Variants in DNAH11 observed in about 807,000 individuals in gnomAD.
The protein encoded by DNAH11 is dynein axonemal heavy chain 11, also known as axonemal beta dynein heavy chain 11.
DNAH11 carries 442 observed loss-of-function variants against 526.0 expected under a neutral mutation model. That is an observed-to-expected ratio of 0.84 (90% CI 0.78 to 0.91). DNAH11 has a LOEUF of 0.91. DNAH11 is among the 40% of genes least tolerant of loss of function. The probability of loss-of-function intolerance (pLI) is 0.00; values close to 1 mark genes in which losing one functional copy is unlikely to be tolerated. For missense variants in DNAH11, 6,989 were observed against 5,448.7 expected (o/e 1.28, Z -8.90); for synonymous variants, 2,461 against 1,935.9 (o/e 1.27, Z -7.12).
chr7:21,901,335 T>TTATTCTAACTTTTTAGTAA lies in DNAH11; in HGVS notation c.*82_*100dup. 6.9e-7 allele frequency: 1 copy of TTATTCTAACTTTTTAGTAA among 1,450,688 alleles called. No homozygotes were observed. Among genetic ancestry groups the TTATTCTAACTTTTTAGTAA allele is most frequent in the Non-Finnish European group, 9.1e-7 (1 of 1,099,024 alleles). 89.9% of individuals were successfully genotyped at this position (1,450,688 alleles called of 1,614,324 possible). A position where few individuals can be genotyped will look rare whatever the true frequency, so the allele number is the denominator to read the frequency against. On this transcript the variant is annotated 3_prime_UTR_variant, in exon 82 of 82. Coordinates refer to ENST00000409508, the MANE Select transcript of DNAH11 (RefSeq NM_001277115.2). ...TGTTGCTGCACTGTTCCCATGCACA[T>TTATTCTAACTTTTTAGTAA]TATTCTAACTTTTTAGTAACTCACA...
chr7:21,679,684 C>T (rs1562486460), intron 30 of DNAH11, among the ~76,000 whole-genome samples: 1 of 152,094 alleles, frequency 6.6e-6, no homozygotes, highest in South Asian at 2.1e-4. Flanking sequence ...TGCACAGCTA[C>T]AGTTTCTCAG....
At chr7:21,860,685 C>G (rs1783028590) in intron 68 of DNAH11, among the ~76,000 whole-genome samples, 1 of 152,092 alleles carries the variant, frequency 6.6e-6, no homozygotes, top group African/African-American at 2.4e-5. Context: ...TCAAATGAGC[C>G]AGTCACAGTA....
chr7:21,659,817 C>T (rs1443974051), intron 30 of DNAH11, among the ~76,000 whole-genome samples: 5 of 152,204 alleles, frequency 3.3e-5, no homozygotes, highest in African/African-American at 1.2e-4. Flanking sequence ...ACTTCAATAA[C>T]TTGAGAATCA....
intron 66 of DNAH11, among the ~76,000 whole-genome samples, chr7:21,848,787 AT>A (rs1268307671): frequency 1.3e-5 from 2 of 152,290 alleles, no homozygotes; most frequent in East Asian, 3.9e-4. Context: ...ATAGATTGCT[AT>A]ATGTAAGTAC....
chr7:21,894,466 A>G lies in DNAH11; in HGVS notation c.12751-157A>G, dbSNP rs111597866. On this transcript the variant is annotated intron_variant, in intron 77 of 81. Coordinates refer to ENST00000409508, the MANE Select transcript of DNAH11 (RefSeq NM_001277115.2). The stretch of plus-strand genomic sequence containing the variant: ...GGGAGTTGGCACTGCCATGCTGCCC[A>G]CCTCCTGGGAGCCGTAGGCATCCTT... Among the ~76,000 whole-genome samples the G allele has an allele frequency of 2.2e-3, 335 of 152,230 alleles. 2 individuals carry two copies. The highest frequency in any genetic ancestry group is 7.9e-3 in the African/African-American group (326 of 41,528).
At chr7:21,668,505 G>T (rs999414029) in intron 30 of DNAH11, among the ~76,000 whole-genome samples, 25 of 152,004 alleles carry the variant, frequency 1.6e-4, no homozygotes, top group Non-Finnish European at 5.9e-5. Context: ...ATTACTCATG[G>T]TATTGCTGTA....
At chr7:21,724,900 A>G (rs78993742) in intron 44 of DNAH11, among the ~76,000 whole-genome samples, 35 of 132,878 alleles carry the variant, frequency 2.6e-4, no homozygotes, top group Middle Eastern at 4.1e-3. Flanking sequence ...AGATTATCCT[A>G]TGGATATAGG....
chr7:21,688,351 C>G (rs1365373364), intron 34 of DNAH11, among the ~76,000 whole-genome samples: 1 of 152,198 alleles, frequency 6.6e-6, no homozygotes, highest in Non-Finnish European at 1.5e-5. Context: ...ATAGTAAGCA[C>G]TATATCCGTG....
At chr7:21,588,431 A>G (rs1322669062) in intron 10 of DNAH11, 81 bp from the exon 11 acceptor site, 1 of 1,546,268 alleles carries the variant, frequency 6.5e-7, no homozygotes, top group Non-Finnish European at 8.8e-7. Flanking sequence ...AAATACCAAA[A>G]TGAAAAATTG....
Position 21,880,685 on chromosome 7 carries a change from C to A in DNAH11, c.12196-17C>A. 5 of 1,612,958 alleles carry A rather than the reference C, an allele frequency of 3.1e-6. No individual in the cohort carries two copies. The highest frequency in any genetic ancestry group is 1.1e-5 in the South Asian group (1 of 90,906). ...CATACAGATGGATAATCAAGCATTT[C>A]TTCTCTTTTTTCCCAGGATACACTT... On this transcript the variant is annotated splice_polypyrimidine_tract_variant and intron_variant, in intron 74 of 81. Transcript: ENST00000409508.
chr7:21,651,687 A>C (rs965212925), intron 28 of DNAH11, among the ~76,000 whole-genome samples: 1 of 152,252 alleles, frequency 6.6e-6, no homozygotes, highest in Admixed American at 6.5e-5. Context: ...CCCTGTGCAG[A>C]GTTCTGATAT....
In DNAH11 at chr7:21,842,553, G is replaced by T. The variant is rs375965591; in HGVS notation, c.10701G>T (p.Arg3567Ser). Residue 3567 changes from arginine (R) to serine (S), a missense_variant, in exon 66 of 82, where the codon AGG becomes AGT. Transcript: ENST00000409508. ...GTTTTGCTCCGTTTAGGTATATCAG[G>T]ATTGGAGATAAAGAATGTGAATTTA... ...RNTIKKGKYI[R>S]IGDKECEFNK... is the part of the protein sequence containing the mutation. 6.8e-5 allele frequency: 110 copies of T among 1,613,682 alleles called. No individual in the cohort carries two copies. Among genetic ancestry groups the T allele is most frequent in the Non-Finnish European group, 9.1e-5 (107 of 1,179,786 alleles).
intron 30 of DNAH11, among the ~76,000 whole-genome samples, chr7:21,675,597 C>G (rs535242220): frequency 3.3e-5 from 5 of 152,300 alleles, no homozygotes; most frequent in Admixed American, 2.0e-4. Flanking sequence ...CATTTGTCAT[C>G]TTGTATGAGT....
At chr7:21,715,335 A>C (rs922368821) in intron 42 of DNAH11, among the ~76,000 whole-genome samples, 9 of 152,222 alleles carry the variant, frequency 5.9e-5, no homozygotes, top group African/African-American at 1.7e-4. Context: ...AACCTGGAAC[A>C]GTTCTGCAGG....
intron 75 of DNAH11, among the ~76,000 whole-genome samples, chr7:21,883,674 A>G (rs1345796796): frequency 6.6e-6 from 1 of 152,232 alleles, no homozygotes; most frequent in Non-Finnish European, 1.5e-5. Context: ...TCCTTTCACA[A>G]TTTTTAGATG....
intron 28 of DNAH11, among the ~76,000 whole-genome samples, chr7:21,644,430 C>T (rs1320735783): frequency 2.0e-5 from 3 of 152,110 alleles, no homozygotes; most frequent in Non-Finnish European, 4.4e-5. Context: ...AGGAAAAAGA[C>T]TCAATACGTG....
intron 25 of DNAH11, 115 bp from the exon 26 acceptor site, chr7:21,635,756 T>G (rs1433780783): frequency 5.2e-6 from 4 of 775,840 alleles, no homozygotes; most frequent in Non-Finnish European, 7.6e-6. Context: ...GTTCCAGATA[T>G]TACATGCTAG....
At chr7:21,746,476 G>A (rs746334089) in intron 51 of DNAH11, among the ~76,000 whole-genome samples, 3 of 151,824 alleles carry the variant, frequency 2.0e-5, no homozygotes, top group East Asian at 1.9e-4. Context: ...GGTGGTATGT[G>A]CCTGTAGTCT....
intron 74 of DNAH11, among the ~76,000 whole-genome samples, chr7:21,875,286 A>G (rs1474242182): frequency 6.6e-6 from 1 of 152,218 alleles, no homozygotes; most frequent in Non-Finnish European, 1.5e-5. Flanking sequence ...CAAAGTACAT[A>G]CAAAGAGGAA....
Sources: gnomAD v4.1 joint callset for allele counts (sites outside exome capture counted in the v4.1 genomes callset) on GRCh38, gnomAD v4.1.1 for gene constraint, MANE v1.5 for transcripts, NCBI Gene and HGNC (gene_info 2026-07-23, HGNC 2026-07-21) for gene names.